Variants in NIPAL3 observed in about 807,000 individuals in gnomAD.
NIPAL3 encodes the protein NIPA-like protein 3.
Under a neutral mutation model 47.2 loss-of-function variants are expected in NIPAL3, and 41 were observed. The observed-to-expected ratio is 0.87, with a 90% confidence interval of 0.68 to 1.13. The LOEUF (loss-of-function observed/expected upper bound fraction) is 1.13, where lower values mean the gene tolerates loss of function less well. Among genes scored for constraint, NIPAL3 ranks in the 50% most tolerant of loss-of-function variants. NIPAL3 has a pLI of 0.00. For missense variants in NIPAL3, 449 were observed against 530.1 expected (o/e 0.85, Z 1.50); for synonymous variants, 194 against 209.6 (o/e 0.93, Z 0.64).
intron 7 of NIPAL3, among the ~76,000 whole-genome samples, chr1:24,455,775 T>C (rs1475538530): frequency 2.0e-5 from 3 of 152,234 alleles, no homozygotes; most frequent in Non-Finnish European, 4.4e-5. Flanking sequence ...GCCATGAGAC[T>C]GGTAAGTTCG....
At chr1:24,452,844 G>A (rs988117943) in intron 6 of NIPAL3, among the ~76,000 whole-genome samples, 4 of 145,916 alleles carry the variant, frequency 2.7e-5, no homozygotes, top group Non-Finnish European at 4.5e-5. Context: ...ATGCCACCAC[G>A]CCCAGCTAAT....
At chr1:24,414,064 GAC>G (rs987678498), upstream of NIPAL3, 2 of 150,228 alleles carry the variant, frequency 1.3e-5, no homozygotes, top group Non-Finnish European at 3.0e-5. Flanking sequence ...TTTTTTTTGA[GAC>G]AGAGTCTCGC....
chr1:24,445,018 C>T (rs1645589486), intron 4 of NIPAL3, among the ~76,000 whole-genome samples, 167 bp from the exon 5 acceptor site: 1 of 152,150 alleles, frequency 6.6e-6, no homozygotes, highest in African/African-American at 2.4e-5. Context: ...TCTGAGCCTC[C>T]CTTTCCTAGA....
At chr1:24,422,362 C>T (rs986108735) in intron 2 of NIPAL3, among the ~76,000 whole-genome samples, 6 of 152,232 alleles carry the variant, frequency 3.9e-5, no homozygotes, top group African/African-American at 1.2e-4. Context: ...TGATCTTGGG[C>T]AAGTGTCATC....
intron 11 of NIPAL3, chr1:24,465,088 T>G (rs901535146): frequency 3.9e-5 from 6 of 152,096 alleles, no homozygotes; most frequent in Non-Finnish European, 5.9e-5. Context: ...TGCCTGAGTA[T>G]AGCAACTCAA....
chr1:24,442,151 G>A lies in NIPAL3; in HGVS notation c.259G>A (p.Glu87Lys), dbSNP rs775671598. Residue 87 changes from glutamate to lysine, a missense_variant, in exon 4 of 12, where the codon GAG becomes AAG. Glu to Lys is a moderately conservative substitution (Grantham distance 56, BLOSUM62 1). Transcript: ENST00000374399. ...WLGLFLMLLG[E>K]LGVFASYAFA... Reference sequence around the variant, plus strand: ...GGGCCTGTTCCTGATGCTTCTGGGCGAGCTGGGTGTGTTCGCCTCCTACGC... The same window carrying A: ...GGGCCTGTTCCTGATGCTTCTGGGCAAGCTGGGTGTGTTCGCCTCCTACGC... 12 of 1,614,050 alleles carry A rather than the reference G, an allele frequency of 7.4e-6. No homozygotes were observed. Among genetic ancestry groups the A allele is most frequent in the South Asian group, 1.1e-5 (1 of 91,084 alleles).
chr1:24,419,118 A>G (rs898286078), intron 1 of NIPAL3, among the ~76,000 whole-genome samples, 173 bp from the exon 2 acceptor site: 3 of 152,162 alleles, frequency 2.0e-5, no homozygotes, highest in African/African-American at 7.2e-5. Flanking sequence ...GGACAAAGGC[A>G]TGATAGGACT....
chr1:24,434,475 C>A (rs929577125), intron 2 of NIPAL3, among the ~76,000 whole-genome samples: 2 of 152,066 alleles, frequency 1.3e-5, no homozygotes, highest in East Asian at 1.9e-4. Context: ...AAGAAATACA[C>A]GATAATAGCC....
At position 24,458,994 on chromosome 1, in the gene NIPAL3, C is replaced by A. The variant is rs187758457; in HGVS notation, c.862+18C>A. 184 of 1,608,222 alleles carry A rather than the reference C, an allele frequency of 1.1e-4. No individual in the cohort carries two copies. Among genetic ancestry groups the A allele is most frequent in the Non-Finnish European group, 1.5e-4 (179 of 1,174,816 alleles). On this transcript the variant is annotated intron_variant, in intron 9 of 11. Transcript: ENST00000374399. ...CACAGCAGGTAAGGGTGACCCATTG[C>A]TAGATTTCTGTCTTCTACTTTAGCA...
intron 11 of NIPAL3, among the ~76,000 whole-genome samples, chr1:24,467,684 C>G (rs1209576637): frequency 6.6e-6 from 1 of 152,144 alleles, no homozygotes; most frequent in Non-Finnish European, 1.5e-5. Context: ...ATTAAATACT[C>G]AATACACATA....
At chr1:24,461,498 C>T (rs1038249627) in intron 10 of NIPAL3, among the ~76,000 whole-genome samples, 14 of 143,014 alleles carry the variant, frequency 9.8e-5, no homozygotes, top group Admixed American at 2.8e-4. Flanking sequence ...CCCGAGATTG[C>T]GCCATTGCAG....
rs1646942297 is a variant in NIPAL3, at chr1:24,472,640, G to A, written c.*3455G>A. The A allele has an allele frequency of 6.6e-6, 1 of 152,120 alleles. No individual in the cohort carries two copies. The highest frequency in any genetic ancestry group is 2.4e-5 in the African/African-American group (1 of 41,440). The allele number at this position is 152,120 out of a possible 1,614,324, so 9.4% of individuals were successfully genotyped here. A position where few individuals can be genotyped will look rare whatever the true frequency, so the allele number is the denominator to read the frequency against. ...GTGGAGTTGAACGCTGGGTAAAGAA[G>A]GGAGAGCTGACTCTCCATTGCTTTT... On this transcript the variant is annotated 3_prime_UTR_variant, in exon 12 of 12. Transcript: ENST00000374399.
intron 3 of NIPAL3, 94 bp downstream of exon 3, chr1:24,440,334 C>T (rs1234467451): frequency 7.4e-6 from 7 of 943,970 alleles, no homozygotes; most frequent in African/African-American, 1.7e-5. Flanking sequence ...CTCTGCAGGG[C>T]CTTGCCTACT....
At chr1:24,429,762 T>C (rs1419654351) in intron 2 of NIPAL3, among the ~76,000 whole-genome samples, 1 of 152,238 alleles carries the variant, frequency 6.6e-6, no homozygotes, top group Non-Finnish European at 1.5e-5. Flanking sequence ...TGTGCTTAAG[T>C]ATCATTTTAC....
chr1:24,421,727 T>C (rs976244688), intron 2 of NIPAL3: 1 of 152,258 alleles, frequency 6.6e-6, no homozygotes, highest in Non-Finnish European at 1.5e-5. Flanking sequence ...AATGAATTTA[T>C]TCATGTGAAG....
chr1:24,423,092 C>T (rs764259311), intron 2 of NIPAL3, among the ~76,000 whole-genome samples: 1 of 152,238 alleles, frequency 6.6e-6, no homozygotes, highest in Non-Finnish European at 1.5e-5. Flanking sequence ...TTGATGGTGG[C>T]ACAGTCTTGA....
intron 2 of NIPAL3, among the ~76,000 whole-genome samples, chr1:24,431,846 C>T (rs1294283429): frequency 1.3e-5 from 2 of 151,924 alleles, no homozygotes; most frequent in African/African-American, 4.8e-5. Flanking sequence ...TTTCTGCACC[C>T]CACCCCCACC....
chr1:24,416,362 G>T lies in NIPAL3; in HGVS notation c.-258+458G>T. On this transcript the variant is annotated intron_variant, in intron 1 of 11. Coordinates refer to ENST00000374399, the MANE Select transcript of NIPAL3 (RefSeq NM_020448.5). This position sits in a 1 kb window ranked among gnomAD's most constrained non-coding sequence, Gnocchi z 4.8. ...TAACCTTCTCGTGAGCCAAAGCCGA[G>T]GAACGGGAAGCTTGGCAGGGAACTG... The T allele has an allele frequency of 1.0e-6, 1 of 983,216 alleles. No homozygotes were observed. Among genetic ancestry groups the T allele is most frequent in the Non-Finnish European group, 1.2e-6 (1 of 827,912 alleles). 60.9% of individuals were successfully genotyped at this position (983,216 alleles called of 1,614,324 possible).
Position 24,454,531 on chromosome 1 carries a change from C to T in NIPAL3, c.637+1027C>T, listed in dbSNP as rs2148837633. 2 of 989,430 alleles carry T rather than the reference C, an allele frequency of 2.0e-6. No individual in the cohort carries two copies. Among genetic ancestry groups the T allele is most frequent in the Middle Eastern group, 5.2e-4 (1 of 1,926 alleles). The allele number at this position is 989,430 out of a possible 1,614,324, so 61.3% of individuals were successfully genotyped here. ...CCAAATAGATACCTGTCACCGAAGACAGGGTTTCCTTAATTTTTTAACAGC... is the reference window on the plus strand; with the variant it reads ...CCAAATAGATACCTGTCACCGAAGATAGGGTTTCCTTAATTTTTTAACAGC... On this transcript the variant is annotated intron_variant, in intron 7 of 11. Transcript: ENST00000374399. This position sits in a 1 kb window ranked among gnomAD's most constrained non-coding sequence, Gnocchi z 4.1.
Sources: allele counts gnomAD v4.1 joint callset (sites outside exome capture counted in the v4.1 genomes callset), GRCh38; gene constraint gnomAD v4.1.1; non-coding constraint Gnocchi (gnomAD v3.1); transcripts MANE v1.5; gene names NCBI Gene and HGNC (gene_info 2026-07-23, HGNC 2026-07-21).